Variants in ANO1 observed in about 807,000 individuals in gnomAD.
ANO1 encodes anoctamin 1.
A neutral mutation model predicts 124.0 loss-of-function variants in ANO1; 59 were observed. The ratio of observed to expected loss-of-function variants is 0.48; its 90% CI spans 0.39 to 0.59. ANO1 has a LOEUF of 0.59. ANO1 is among the 20% of genes least tolerant of loss of function. The pLI, the probability that ANO1 is intolerant of heterozygous loss-of-function variation, is 0.00. For synonymous variants in ANO1, 529 were observed against 532.0 expected (o/e 0.99, Z 0.08); for missense variants, 1,059 against 1,328.0 (o/e 0.80, Z 3.15).
Position 70,167,287 on chromosome 11 carries a change from C to CCT in ANO1, c.2098_2099insTC (p.Pro700LeufsTer9). On this transcript the variant is annotated frameshift_variant, in exon 21 of 26. Transcript: ENST00000355303. LOFTEE classifies it high-confidence loss of function. ...GCTACCTGAAGCTGAAGCAGCAGAG[C>CCT]CCCCCTGACCACGAGGAGTGTGTGA... is the stretch of plus-strand genomic sequence containing the variant. 6.2e-7 allele frequency: 1 copy of CCT among 1,613,962 alleles called. No individual in the cohort carries two copies. The highest frequency in any genetic ancestry group is 1.1e-5 in the South Asian group (1 of 91,080).
chr11:70,129,232 C>T (rs1401407221), intron 10 of ANO1: 3 of 152,254 alleles, frequency 2.0e-5, no homozygotes, highest in Admixed American at 1.3e-4. Context: ...TTGGCTATTG[C>T]ATAATAATGA....
intron 1 of ANO1, chr11:70,015,525 T>G (rs1315822875): frequency 2.0e-5 from 3 of 152,388 alleles, no homozygotes; most frequent in East Asian, 3.9e-4. Flanking sequence ...GTTCTTGATG[T>G]GTCTGAGGGT....
intron 11 of ANO1, among the ~76,000 whole-genome samples, chr11:70,146,787 C>T (rs1237437553): frequency 7.2e-5 from 11 of 152,108 alleles, no homozygotes; most frequent in Non-Finnish European, 1.0e-4. Flanking sequence ...GTCCAAAAGC[C>T]GAGGAACTCA....
At chr11:70,152,292 G>A (rs1307504875) in intron 12 of ANO1, among the ~76,000 whole-genome samples, 158 bp from the exon 13 acceptor site, 1 of 132,406 alleles carries the variant, frequency 7.6e-6, no homozygotes, top group African/African-American at 2.9e-5. Flanking sequence ...CTGAGACCGC[G>A]CCATTGCACT....
At chr11:70,086,679 C>T (rs1164720723) in intron 1 of ANO1, among the ~76,000 whole-genome samples, 1 of 152,356 alleles carries the variant, frequency 6.6e-6, no homozygotes, top group East Asian at 1.9e-4. Context: ...CATGATCACC[C>T]AACTTCCTCA....
At chr11:69,993,363 G>A (rs1554997841) in intron 1 of ANO1, among the ~76,000 whole-genome samples, 1 of 152,184 alleles carries the variant, frequency 6.6e-6, no homozygotes, top group Admixed American at 6.5e-5. Flanking sequence ...TGGAGCTATT[G>A]ATGTGAGCAA....
intron 2 of ANO1, among the ~76,000 whole-genome samples, chr11:70,089,223 G>C (rs551083080): frequency 3.5e-4 from 53 of 152,342 alleles, no homozygotes; most frequent in South Asian, 2.7e-3. Flanking sequence ...AACAGAAAAA[G>C]TTGTCGGCAG....
intron 2 of ANO1, among the ~76,000 whole-genome samples, chr11:70,088,507 C>CA (rs35498359): frequency 2.3e-5 from 3 of 132,600 alleles, no homozygotes; most frequent in African/African-American, 8.5e-5. Context: ...GACTCTGCCT[C>CA]AAAAAAAAAA....
intron 11 of ANO1, 109 bp from the exon 12 acceptor site, chr11:70,149,601 G>T: frequency 1.8e-6 from 2 of 1,141,468 alleles, no homozygotes; most frequent in African/African-American, 1.6e-5. Flanking sequence ...AGTGGGTGGA[G>T]ATTGCGCCAT....
At chr11:70,003,337 C>T (rs1461874174) in intron 1 of ANO1, among the ~76,000 whole-genome samples, 2 of 152,186 alleles carry the variant, frequency 1.3e-5, no homozygotes, top group African/African-American at 4.8e-5. Context: ...ATGGTTCAGC[C>T]TGTGGAAAAC....
intron 10 of ANO1, among the ~76,000 whole-genome samples, chr11:70,131,087 T>A (rs1282678426): frequency 6.6e-6 from 1 of 152,188 alleles, no homozygotes; most frequent in East Asian, 1.9e-4. Context: ...TGACCGTGCC[T>A]GCCGATTATA....
In ANO1 at chr11:70,165,501, G is replaced by A. The variant is rs2048221137; in HGVS notation, c.1982G>A (p.Cys661Tyr). 1 of 1,611,966 alleles carries A rather than the reference G, an allele frequency of 6.2e-7. No homozygotes were observed. Among genetic ancestry groups the A allele is most frequent in the Non-Finnish European group, 8.5e-7 (1 of 1,179,230 alleles). Residue 661 changes from cysteine (C) to tyrosine (Y), a missense_variant, in exon 20 of 26, where the codon TGC (cysteine) becomes TAC (tyrosine). By Grantham distance (194) the Cys-to-Tyr change is radical. Transcript: ENST00000355303. ...CCAGGGGGCTGCCTGATGGAGCTAT[G>A]CATCCAGCTCAGCATCATCATGCTG... ...CAPGGCLMEL[C>Y]IQLSIIMLGK...
At chr11:70,120,196 G>A (rs2046202186) in intron 8 of ANO1, among the ~76,000 whole-genome samples, 1 of 152,278 alleles carries the variant, frequency 6.6e-6, no homozygotes, top group Admixed American at 6.5e-5. Flanking sequence ...GGGCAGAAGA[G>A]AGTGTAGGGA....
chr11:70,008,211 C>A (rs140064252), intron 1 of ANO1, among the ~76,000 whole-genome samples: 3 of 152,048 alleles, frequency 2.0e-5, no homozygotes, highest in Admixed American at 6.6e-5. Context: ...AGTAAATTGC[C>A]GTTTCACTCT....
At chr11:70,036,214 C>T (rs1340692478) in intron 1 of ANO1, among the ~76,000 whole-genome samples, 7 of 152,154 alleles carry the variant, frequency 4.6e-5, no homozygotes, top group African/African-American at 1.7e-4. Context: ...CCGTACAGTC[C>T]CTGGTGACTC....
intron 1 of ANO1, among the ~76,000 whole-genome samples, chr11:70,048,163 T>A (rs979599411): frequency 1.3e-5 from 2 of 152,256 alleles, no homozygotes; most frequent in Admixed American, 6.5e-5. Context: ...TAATTCCATT[T>A]TATTTCAACT....
the ANO1 span, among the ~76,000 whole-genome samples, chr11:69,979,909 C>G: frequency 6.6e-6 from 1 of 152,180 alleles, no homozygotes; most frequent in Non-Finnish European, 1.5e-5. Flanking sequence ...ATAGCACACC[C>G]GTCTCCCTGG....
At chr11:70,153,641 G>A (rs923424210) in intron 14 of ANO1, among the ~76,000 whole-genome samples, 2 of 152,194 alleles carry the variant, frequency 1.3e-5, no homozygotes, top group African/African-American at 4.8e-5. Flanking sequence ...TGTTCTTGAG[G>A]TCATCGTCTT....
At position 70,018,826 on chromosome 11, in the gene ANO1, C is replaced by T. The variant is rs1285103502; in HGVS notation, c.58+32660C>T. The stretch of plus-strand genomic sequence containing the variant: ...AAGAGACCACACATTCATTATGCAT[C>T]TGTTCATCTGGTGGGAATATTTACT... On this transcript the variant is annotated intron_variant, in intron 1 of 27. Transcript: ENST00000531349. 2.0e-5 allele frequency among the ~76,000 whole-genome samples: 3 copies of T among 152,214 alleles called. No homozygotes were observed. In the South Asian group the frequency reaches 6.2e-4, roughly 32 times the overall value.
Sources: allele counts gnomAD v4.1 joint callset (sites outside exome capture counted in the v4.1 genomes callset), GRCh38; gene constraint gnomAD v4.1.1; transcripts MANE v1.5; gene names NCBI Gene and HGNC (gene_info 2026-07-23, HGNC 2026-07-21).